WLS: variants seen among roughly 807,000 people sequenced by gnomAD.
The protein encoded by WLS is Wnt ligand secretion mediator.
A neutral mutation model predicts 62.8 loss-of-function variants in WLS; 23 were observed. That is an observed-to-expected ratio of 0.37 (90% CI 0.26 to 0.52). The LOEUF (loss-of-function observed/expected upper bound fraction) is 0.52, where lower values mean the gene tolerates loss of function less well. WLS is among the 20% of genes least tolerant of loss of function. The pLI is 0.92. For synonymous variants in WLS, 246 were observed against 244.1 expected, an observed-to-expected ratio of 1.01 and a Z score of -0.07; for missense variants, 615 against 697.3, an observed-to-expected ratio of 0.88 and a Z score of 1.33.
intron 2 of WLS, among the ~76,000 whole-genome samples, chr1:68,163,447 C>T (rs910056098): frequency 6.6e-6 from 1 of 152,030 alleles, no homozygotes; most frequent in Non-Finnish European, 1.5e-5. Context: ...AGCCTCCCCT[C>T]AGCGCAGCAT....
At chr1:68,199,074 C>T (rs1648844542) in intron 1 of WLS, among the ~76,000 whole-genome samples, 1 of 152,014 alleles carries the variant, frequency 6.6e-6, no homozygotes, top group Non-Finnish European at 1.5e-5. Context: ...TAGAGAGAGA[C>T]AAGACTTGGT....
chr1:68,139,520 G>C (rs145655835), intron 10 of WLS, among the ~76,000 whole-genome samples: 4 of 152,134 alleles, frequency 2.6e-5, no homozygotes, highest in Non-Finnish European at 5.9e-5. Context: ...AGGCTGTCAC[G>C]CATCCTAGCT....
At chr1:68,127,139 G>A (rs1557459376) in intron 11 of WLS, 2 of 389,000 alleles carry the variant, frequency 5.1e-6, no homozygotes, top group Non-Finnish European at 1.0e-5. Context: ...AGGCTGCAGT[G>A]AGCTATGATT....
chr1:68,123,517 C>A (rs896703285), downstream of WLS, among the ~76,000 whole-genome samples: 6 of 151,848 alleles, frequency 4.0e-5, no homozygotes, highest in Admixed American at 1.3e-4. Context: ...TCTGCTGGAC[C>A]CCTCAGTTCT....
At chr1:68,209,781 CAA>C (rs941116425) in intron 1 of WLS, among the ~76,000 whole-genome samples, 2 of 126,968 alleles carry the variant, frequency 1.6e-5, no homozygotes, top group African/African-American at 2.9e-5. Flanking sequence ...AACTCCGTTT[CAA>C]AAAAAAAAAA....
intron 1 of WLS, among the ~76,000 whole-genome samples, chr1:68,219,152 T>C (rs1287904904): frequency 6.6e-6 from 1 of 152,242 alleles, no homozygotes; most frequent in Admixed American, 6.5e-5. Flanking sequence ...TACTTCTGTG[T>C]GTTCCCTTCT....
chr1:68,129,291 C>T (rs959318933), intron 11 of WLS, among the ~76,000 whole-genome samples: 1 of 151,578 alleles, frequency 6.6e-6, no homozygotes, highest in African/African-American at 2.4e-5. Flanking sequence ...TGCCCTTGCA[C>T]TCCAGCCTGG....
At chr1:68,225,920 A>C (rs890607840) in intron 1 of WLS, among the ~76,000 whole-genome samples, 2 of 152,226 alleles carry the variant, frequency 1.3e-5, no homozygotes, top group African/African-American at 4.8e-5. Flanking sequence ...CAGAATCTCA[A>C]ACATTTGATG....
At chr1:68,183,275 T>C (rs1647696027) in intron 2 of WLS, among the ~76,000 whole-genome samples, 1 of 152,140 alleles carries the variant, frequency 6.6e-6, no homozygotes, top group Non-Finnish European at 1.5e-5. Flanking sequence ...AGACCTCTTT[T>C]TGGTGGGAGT....
chr1:68,206,835 C>T (rs1398636937), intron 1 of WLS, among the ~76,000 whole-genome samples: 5 of 152,116 alleles, frequency 3.3e-5, no homozygotes, highest in South Asian at 2.1e-4. Context: ...TGTACTTCTA[C>T]GTTATGATGA....
intron 11 of WLS, among the ~76,000 whole-genome samples, chr1:68,104,596 T>A (rs1031321072): frequency 2.0e-5 from 3 of 152,124 alleles, no homozygotes; most frequent in African/African-American, 7.2e-5. Flanking sequence ...AGTTTGTGAG[T>A]TCACCTTCTG....
intron 11 of WLS, among the ~76,000 whole-genome samples, chr1:68,116,429 C>T (rs1011077433): frequency 4.6e-5 from 7 of 152,150 alleles, no homozygotes; most frequent in Admixed American, 1.3e-4. Context: ...GCAGGAAGGG[C>T]AATGCATCTA....
rs542908721 is a variant in WLS at position 68,158,978 on chromosome 1, A to G, written c.504+145T>C. ...TAGGAAAGGCCCGTGGCAGGAGAGA[A>G]GAGGAAATAAAATGCTCCGCAGAGC... On this transcript the variant is annotated intron_variant, in intron 3 of 11. Transcript: ENST00000262348. 3.8e-6 allele frequency: 4 copies of G among 1,052,860 alleles called. No individual in the cohort carries two copies. In the African/African-American group the frequency reaches 6.4e-5, roughly 17 times the overall value. 65.2% of individuals were successfully genotyped at this position (1,052,860 alleles called of 1,614,324 possible).
In WLS at chr1:68,125,875, C is replaced by T. The variant is rs1320180699; in HGVS notation, c.*351G>A. On this transcript the variant is annotated 3_prime_UTR_variant, in exon 12 of 12. Transcript: ENST00000262348. Reference sequence around the variant, plus strand: ...GAAAAATGTCAAATATTCCACTCCCCATTCGGCCCAAACCATCCCCCAAGG... The same window carrying T: ...GAAAAATGTCAAATATTCCACTCCCTATTCGGCCCAAACCATCCCCCAAGG... 1.2e-5 allele frequency: 13 copies of T among 1,045,098 alleles called. No individual in the cohort carries two copies. The highest frequency in any genetic ancestry group is 8.0e-5 in the South Asian group (2 of 25,152). 64.7% of individuals were successfully genotyped at this position (1,045,098 alleles called of 1,614,324 possible). A position where few individuals can be genotyped will look rare whatever the true frequency, so the allele number is the denominator to read the frequency against.
In WLS at chr1:68,232,191, T is replaced by C; in HGVS notation, c.106+3A>G. 1 of 1,614,016 alleles carries C rather than the reference T, an allele frequency of 6.2e-7. No individual in the cohort carries two copies. The highest frequency in any genetic ancestry group is 1.1e-5 in the South Asian group (1 of 91,060). On this transcript the variant is annotated splice_donor_region_variant and intron_variant, in intron 1 of 11. Transcript: ENST00000262348. ...GGAAAAGTTTGCAGCTCTCCGCACT[T>C]ACCAATCAAGCCTCCCACCAGAAAG... is the stretch of plus-strand genomic sequence containing the variant.
At chr1:68,225,184 G>A (rs902554317) in intron 1 of WLS, among the ~76,000 whole-genome samples, 1 of 151,922 alleles carries the variant, frequency 6.6e-6, no homozygotes, top group Non-Finnish European at 1.5e-5. Context: ...GTGGGGGGTG[G>A]GGGGAAGAGG....
At chr1:68,101,990 G>A (rs1368136811) in intron 11 of WLS, among the ~76,000 whole-genome samples, 2 of 152,204 alleles carry the variant, frequency 1.3e-5, no homozygotes, top group African/African-American at 2.4e-5. Flanking sequence ...AACTATGTGT[G>A]TAGGTGGCAG....
chr1:68,144,496 T>C (rs1646727676), intron 10 of WLS, 73 bp downstream of exon 10: 2 of 1,428,836 alleles, frequency 1.4e-6, no homozygotes, highest in South Asian at 1.3e-5. Context: ...TCAGTGGCTC[T>C]ATTGAATTTC....
At chr1:68,226,536 G>A (rs1472228921) in intron 1 of WLS, among the ~76,000 whole-genome samples, 2 of 152,094 alleles carry the variant, frequency 1.3e-5, no homozygotes, top group African/African-American at 4.8e-5. Context: ...ATAATTAGTA[G>A]GGGTTCTAAT....
Sources: gnomAD v4.1 joint callset for allele counts (sites outside exome capture counted in the v4.1 genomes callset) on GRCh38, gnomAD v4.1.1 for gene constraint, MANE v1.5 for transcripts, NCBI Gene and HGNC (gene_info 2026-07-23, HGNC 2026-07-21) for gene names.